Variants in SHROOM3 observed in about 807,000 individuals in gnomAD.
SHROOM3 encodes the protein shroom family member 3.
In SHROOM3, 47 loss-of-function variants were observed where a neutral mutation model predicts 138.6. The observed-to-expected ratio is 0.34, with a 90% CI of 0.27 to 0.43. SHROOM3 has a LOEUF of 0.43. Among genes scored for constraint, SHROOM3 ranks in the 20% least tolerant of loss-of-function variants. SHROOM3 has a pLI of 1.00. For missense variants in SHROOM3, 2,491 were observed against 2,596.5 expected, an observed-to-expected ratio of 0.96 and a Z score of 0.88; for synonymous variants, 1,062 against 1,063.3, an observed-to-expected ratio of 1.00 and a Z score of 0.02.
intron 2 of SHROOM3, among the ~76,000 whole-genome samples, chr4:76,605,696 T>G (rs1030369513): frequency 3.3e-5 from 5 of 152,010 alleles, no homozygotes; most frequent in Admixed American, 6.6e-5. Flanking sequence ...AAATATTTTT[T>G]CAGTGGCATA....
intron 2 of SHROOM3, among the ~76,000 whole-genome samples, chr4:76,678,272 T>C (rs1719097468): frequency 6.6e-6 from 1 of 152,212 alleles, no homozygotes; most frequent in Admixed American, 6.5e-5. Context: ...AAGGGTTTTT[T>C]TGTTGACATA....
intron 1 of SHROOM3, among the ~76,000 whole-genome samples, chr4:76,553,241 C>A (rs1020170873): frequency 5.3e-5 from 8 of 152,092 alleles, no homozygotes; most frequent in African/African-American, 1.7e-4. Context: ...CGGCCCACTG[C>A]ACCTCCACCT....
At chr4:76,441,086 G>GTTTTGTT (rs1553913336) in intron 1 of SHROOM3, among the ~76,000 whole-genome samples, 4 of 82,182 alleles carry the variant, frequency 4.9e-5, no homozygotes, top group African/African-American at 1.9e-4. Flanking sequence ...AGTTCAATTT[G>GTTTTGTT]TTTTTTTTTT....
At chr4:76,776,506 T>C (rs759850666) in intron 10 of SHROOM3, among the ~76,000 whole-genome samples, 44 of 152,240 alleles carry the variant, frequency 2.9e-4, no homozygotes, top group Non-Finnish European at 5.1e-4. Flanking sequence ...TTCTTTGTCA[T>C]GAACTCTTTG....
rs1721734356 is a variant in SHROOM3 at position 76,754,439 on chromosome 4, C to A, written c.3956C>A (p.Thr1319Asn). The A allele has an allele frequency of 6.2e-7, 1 of 1,614,170 alleles. No individual in the cohort carries two copies. The highest frequency in any genetic ancestry group is 8.5e-7 in the Non-Finnish European group (1 of 1,180,032). The change falls in exon 7 of 11, where the codon ACC becomes AAC. Residue 1319 changes from threonine (T) to asparagine (N), a missense_variant. By Grantham distance (65) the Thr-to-Asn change is moderately conservative. Around this residue, in one of 4 missense-constraint regions of SHROOM3, gnomAD observed 1,733 missense variants for 1,661.6 expected, o/e 1.04. Coordinates refer to ENST00000296043, the MANE Select transcript of SHROOM3 (RefSeq NM_020859.4). ...TCCGTTCCTAGTGAATGTCCTGGAA[C>A]CCTGGACCATCAGAGGCAAGCCAGT... ...DSSVPSECPGTLDHQRQASRT... is the reference protein window; with the variant it reads ...DSSVPSECPGNLDHQRQASRT...
chr4:76,513,560 C>T (rs1004801761), intron 1 of SHROOM3, among the ~76,000 whole-genome samples: 3 of 152,158 alleles, frequency 2.0e-5, no homozygotes, highest in Admixed American at 6.5e-5. Flanking sequence ...GTGACCCACC[C>T]GTCTCGGCCT....
rs569706076 is a variant in SHROOM3 at position 76,561,267 on chromosome 4, C to T, written c.323+5504C>T. Among the ~76,000 whole-genome samples, 6 of 152,156 alleles carry T rather than the reference C, an allele frequency of 3.9e-5. 1 individual carries two copies. The highest frequency in any genetic ancestry group is 1.2e-4 in the African/African-American group (5 of 41,490). On this transcript the variant is annotated intron_variant, in intron 2 of 10. Coordinates refer to ENST00000296043, the MANE Select transcript of SHROOM3 (RefSeq NM_020859.4). ...ATTCTTTTTTATTTGGCTGAATATA[C>T]GTGTTTAGTAGTACTAGTAGTAGTA...
At chr4:76,759,754 T>C in intron 9 of SHROOM3, 59 bp downstream of exon 9, 1 of 1,579,132 alleles carries the variant, frequency 6.3e-7, no homozygotes, top group Non-Finnish European at 8.6e-7. Flanking sequence ...ACAAGGTCCA[T>C]GTAATCAGCG....
chr4:76,741,877 C>G lies in SHROOM3; in HGVS notation c.3704C>G (p.Pro1235Arg), dbSNP rs1254974147. ...LLERSDVLAGPVHVRSRSSPA... is the reference protein window; with the variant it reads ...LLERSDVLAGRVHVRSRSSPA... ...GAACGCTCGGACGTCCTTGCGGGCC[C>G]TGTCCATGTGAGGTCCAGGTCATCT... The change falls in exon 5 of 11, where the codon CCT becomes CGT. Residue 1235 changes from proline (P) to arginine (R), a missense_variant. Physicochemically the swap from Pro to Arg is moderately radical, Grantham distance 103 (BLOSUM62 -2). Transcript: ENST00000296043. This position sits in a 1 kb window ranked among gnomAD's most constrained non-coding sequence, Gnocchi z 6.2. 6.2e-7 allele frequency: 1 copy of G among 1,612,034 alleles called. No homozygotes were observed. The highest frequency in any genetic ancestry group is 1.3e-5 in the African/African-American group (1 of 74,936).
chr4:76,679,343 C>G (rs1272021267), intron 2 of SHROOM3, among the ~76,000 whole-genome samples: 2 of 152,172 alleles, frequency 1.3e-5, no homozygotes, highest in African/African-American at 4.8e-5. Flanking sequence ...TCCTTTTCAT[C>G]TCATTATCTC....
chr4:76,629,632 T>C (rs1735254240), intron 2 of SHROOM3, among the ~76,000 whole-genome samples: 1 of 152,026 alleles, frequency 6.6e-6, no homozygotes, highest in Non-Finnish European at 1.5e-5. Context: ...GCGAGGGAGA[T>C]GGGAGATGTG....
chr4:76,589,473 A>AAG (rs1351083093), intron 2 of SHROOM3, among the ~76,000 whole-genome samples: 5 of 151,802 alleles, frequency 3.3e-5, no homozygotes, highest in African/African-American at 1.2e-4. Flanking sequence ...GTCTCATAAA[A>AAG]AAAAAAAAAA....
intron 1 of SHROOM3, among the ~76,000 whole-genome samples, chr4:76,485,547 T>C (rs995225429): frequency 6.6e-6 from 1 of 152,196 alleles, no homozygotes; most frequent in Non-Finnish European, 1.5e-5. Flanking sequence ...GTAGTAGTAG[T>C]GGCAGTATGG....
At chr4:76,476,578 A>G (rs1731489363) in intron 1 of SHROOM3, among the ~76,000 whole-genome samples, 1 of 152,354 alleles carries the variant, frequency 6.6e-6, no homozygotes, top group Non-Finnish European at 1.5e-5. Context: ...ATAGGTCTGC[A>G]GAGCTACTTG....
At chr4:76,573,408 T>C (rs142329698) in intron 2 of SHROOM3, among the ~76,000 whole-genome samples, 13 of 110,732 alleles carry the variant, frequency 1.2e-4, no homozygotes, top group Non-Finnish European at 1.8e-4. Context: ...ATAATAATAA[T>C]AATAATAATA....
At chr4:76,665,954 T>C (rs898809245) in intron 2 of SHROOM3, among the ~76,000 whole-genome samples, 1 of 152,198 alleles carries the variant, frequency 6.6e-6, no homozygotes, top group African/African-American at 2.4e-5. Flanking sequence ...AGTGCTGACC[T>C]ACCTGACCTG....
chr4:76,697,509 G>T (rs567651303), intron 2 of SHROOM3, among the ~76,000 whole-genome samples: 1 of 152,246 alleles, frequency 6.6e-6, no homozygotes, highest in South Asian at 2.1e-4. Context: ...ATCTAACTAA[G>T]CACTTAAGTG....
chr4:76,570,156 AACACACACACACAC>A (rs57079760), intron 2 of SHROOM3, among the ~76,000 whole-genome samples: 1 of 149,494 alleles, frequency 6.7e-6, no homozygotes, highest in African/African-American at 2.5e-5. Context: ...GAAATGTTAA[AACACACACACACAC>A]ACACACACAC....
chr4:76,692,335 G>A (rs1414903517), intron 2 of SHROOM3, among the ~76,000 whole-genome samples: 1 of 152,204 alleles, frequency 6.6e-6, no homozygotes, highest in African/African-American at 2.4e-5. Flanking sequence ...TGTGTGGGAG[G>A]CATCCCAGGA....
Sources: allele counts gnomAD v4.1 joint callset (sites outside exome capture counted in the v4.1 genomes callset), GRCh38; gene constraint gnomAD v4.1.1; regional missense constraint gnomAD v4.1.1; non-coding constraint Gnocchi (gnomAD v3.1); transcripts MANE v1.5; gene names NCBI Gene and HGNC (gene_info 2026-07-23, HGNC 2026-07-21).